The following ANTXR2 variants were observed in gnomAD, a reference collection of about 807,000 sequenced individuals.
ANTXR2 encodes the protein ANTXR cell adhesion molecule 2, also known as anthrax toxin receptor 2.
A neutral mutation model predicts 73.7 loss-of-function variants in ANTXR2; 44 were observed. That is an observed-to-expected ratio of 0.60 (90% CI 0.47 to 0.77). The LOEUF (loss-of-function observed/expected upper bound fraction) is 0.77, where lower values mean the gene tolerates loss of function less well. Ranked by LOEUF, ANTXR2 falls within the 30% of genes least tolerant of loss-of-function variation. The pLI is 0.00. For missense variants in ANTXR2, 604 were observed against 592.5 expected, an observed-to-expected ratio of 1.02 and a Z score of -0.20; for synonymous variants, 217 against 205.9, an observed-to-expected ratio of 1.05 and a Z score of -0.46.
At chr4:79,977,096 T>G (rs1361184273) in intron 16 of ANTXR2, among the ~76,000 whole-genome samples, 2 of 152,216 alleles carry the variant, frequency 1.3e-5, no homozygotes, top group African/African-American at 4.8e-5. Flanking sequence ...TCCATATGTG[T>G]GTATGTGTGT....
At chr4:80,038,328 T>A (rs907430038) in intron 7 of ANTXR2, among the ~76,000 whole-genome samples, 53 of 152,230 alleles carry the variant, frequency 3.5e-4, no homozygotes, top group African/African-American at 1.2e-3. Context: ...TTTGATCCAA[T>A]CCATCAAAAC....
At chr4:79,965,409 C>T (rs1253551877) in intron 16 of ANTXR2, among the ~76,000 whole-genome samples, 1 of 152,096 alleles carries the variant, frequency 6.6e-6, no homozygotes, top group Non-Finnish European at 1.5e-5. Context: ...ACTATTATCT[C>T]CTTTAAAAAA....
At chr4:79,923,579 A>C (rs1443149353) in intron 16 of ANTXR2, among the ~76,000 whole-genome samples, 1 of 152,118 alleles carries the variant, frequency 6.6e-6, no homozygotes, top group Non-Finnish European at 1.5e-5. Context: ...TGCTGAAGCT[A>C]CCAAGAGACA....
chr4:79,929,248 C>T (rs562286082), intron 16 of ANTXR2, among the ~76,000 whole-genome samples: 1 of 152,290 alleles, frequency 6.6e-6, no homozygotes, highest in East Asian at 1.9e-4. Flanking sequence ...GGCGCAGTGG[C>T]TCACCCCTGT....
At chr4:79,956,777 G>A (rs73828820) in intron 16 of ANTXR2, among the ~76,000 whole-genome samples, 30,024 of 151,586 alleles carry the variant, frequency 0.2, 4,961 homozygotes, top group African/African-American at 0.45. Context: ...ATATGCATGC[G>A]CGCGCACACA....
At chr4:79,990,614 T>C (rs763733322) in intron 12 of ANTXR2, among the ~76,000 whole-genome samples, 15 of 152,004 alleles carry the variant, frequency 9.9e-5, no homozygotes, top group Non-Finnish European at 1.8e-4. Flanking sequence ...TCATTTTTCA[T>C]AGAATTAGAG....
chr4:79,984,267 T>G (rs1223489201), intron 13 of ANTXR2, among the ~76,000 whole-genome samples: 1 of 152,176 alleles, frequency 6.6e-6, no homozygotes, highest in Non-Finnish European at 1.5e-5. Flanking sequence ...ATTCATCACT[T>G]CATACTTAGA....
intron 16 of ANTXR2, among the ~76,000 whole-genome samples, chr4:79,976,006 A>G (rs1023681725): frequency 6.8e-6 from 1 of 146,306 alleles, no homozygotes; most frequent in Non-Finnish European, 1.5e-5. Flanking sequence ...TCCGCCTCCC[A>G]GGTTCACGCC....
At chr4:80,035,917 A>G in intron 8 of ANTXR2, 55 bp downstream of exon 8, 2 of 1,399,210 alleles carry the variant, frequency 1.4e-6, no homozygotes, top group East Asian at 2.5e-5. Flanking sequence ...CATATATTTT[A>G]GCTAGGAAAA....
At chr4:79,948,860 CAA>C (rs1337896797) in intron 16 of ANTXR2, among the ~76,000 whole-genome samples, 1 of 152,070 alleles carries the variant, frequency 6.6e-6, no homozygotes, top group South Asian at 2.1e-4. Context: ...TGAATTAAAG[CAA>C]AGTCTTTAAT....
intron 16 of ANTXR2, among the ~76,000 whole-genome samples, chr4:79,965,300 G>T (rs559011501): frequency 1.3e-5 from 2 of 152,322 alleles, no homozygotes; most frequent in African/African-American, 4.8e-5. Context: ...TGACTAGGCA[G>T]AGGTCGTGTT....
chr4:80,000,130 G>A (rs1434779562), intron 12 of ANTXR2, among the ~76,000 whole-genome samples: 1 of 151,950 alleles, frequency 6.6e-6, no homozygotes, highest in African/African-American at 2.4e-5. Flanking sequence ...GGTATATGTA[G>A]CAGCAACTAG....
At chr4:79,983,786 T>C in intron 14 of ANTXR2, 92 bp downstream of exon 14, 1 of 951,934 alleles carries the variant, frequency 1.1e-6, no homozygotes, top group Non-Finnish European at 1.7e-6. Flanking sequence ...GATATTATAA[T>C]ATTGAATTGT....
At chr4:79,975,796 T>C (rs1054526317) in intron 16 of ANTXR2, among the ~76,000 whole-genome samples, 3 of 152,204 alleles carry the variant, frequency 2.0e-5, no homozygotes, top group African/African-American at 4.8e-5. Flanking sequence ...ACCACAGTGA[T>C]TGGATCATGA....
intron 12 of ANTXR2, 96 bp from the exon 13 acceptor site, chr4:79,984,959 C>A: frequency 9.8e-7 from 1 of 1,019,614 alleles, no homozygotes; most frequent in Non-Finnish European, 1.4e-6. Flanking sequence ...ACTGTGGTAG[C>A]TCCAAAGAAG....
intron 3 of ANTXR2, 56 bp from the exon 4 acceptor site, chr4:80,056,069 A>C: frequency 1.6e-6 from 2 of 1,230,710 alleles, no homozygotes; most frequent in African/African-American, 1.6e-5. Context: ...GTAACAATAA[A>C]CACTTCTTAA....
At chr4:79,977,837 A>G in intron 15 of ANTXR2, 136 bp from the exon 16 acceptor site, 1 of 1,243,800 alleles carries the variant, frequency 8.0e-7, no homozygotes, top group Non-Finnish European at 1.1e-6. Context: ...AATAAGTAAT[A>G]AAAACCTAGA....
chr4:80,022,789 G>T (rs1732228771), intron 10 of ANTXR2, among the ~76,000 whole-genome samples: 1 of 152,128 alleles, frequency 6.6e-6, no homozygotes, highest in South Asian at 2.1e-4. Context: ...TTGCCCCAAG[G>T]ATCTAATAAT....
intron 7 of ANTXR2, among the ~76,000 whole-genome samples, chr4:80,043,438 C>T (rs1366036893): frequency 6.6e-6 from 1 of 151,952 alleles, no homozygotes; most frequent in Non-Finnish European, 1.5e-5. Flanking sequence ...AAATTCAAAA[C>T]CCAAGTATTT....
Sources: gnomAD v4.1 joint callset for allele counts (sites outside exome capture counted in the v4.1 genomes callset) on GRCh38, gnomAD v4.1.1 for gene constraint, MANE v1.5 for transcripts, NCBI Gene and HGNC (gene_info 2026-07-23, HGNC 2026-07-21) for gene names.